The following NUB1 variants were observed in gnomAD, a reference collection of about 807,000 sequenced individuals.
The protein encoded by NUB1 is NEDD8 ultimate buster 1.
NUB1 carries 41 observed loss-of-function variants against 77.1 expected under a neutral mutation model. The observed-to-expected ratio is 0.53, with a 90% CI of 0.41 to 0.69. The LOEUF is 0.69. Ranked by LOEUF, NUB1 falls within the 30% of genes least tolerant of loss-of-function variation. The probability of loss-of-function intolerance (pLI) is 0.00; values close to 1 mark genes in which losing one functional copy is unlikely to be tolerated. For missense variants in NUB1, 643 were observed against 743.8 expected (o/e 0.86, Z 1.58); for synonymous variants, 257 against 281.0 (o/e 0.91, Z 0.85).
intron 11 of NUB1, among the ~76,000 whole-genome samples, chr7:151,372,973 T>A (rs1361727316): frequency 2.6e-5 from 4 of 152,114 alleles, no homozygotes; most frequent in Non-Finnish European, 4.4e-5. Context: ...TCCCTGGAGA[T>A]GTTTCCAGCA....
Position 151,355,894 on chromosome 7 carries a change from T to G in NUB1, c.542T>G (p.Leu181Arg). The G allele has an allele frequency of 1.2e-6, 2 of 1,613,572 alleles. No individual in the cohort carries two copies. Among genetic ancestry groups the G allele is most frequent in the East Asian group, 2.2e-5 (1 of 44,860 alleles). The change falls in exon 6 of 15, where the codon CTC (leucine) becomes CGC (arginine). Residue 181 changes from leucine to arginine, a missense_variant. Physicochemically the swap from Leu to Arg is moderately radical, Grantham distance 102. Transcript: ENST00000568733. ...GAAGAGGAGCAAAATGAGGCCAAAC[T>G]CAAAGAAAAACAAATTCAGAGGACC... is the stretch of plus-strand genomic sequence containing the variant. ...LEEEEQNEAK[L>R]KEKQIQRTKR...
At chr7:151,349,657 G>T (rs1796691923) in intron 3 of NUB1, among the ~76,000 whole-genome samples, 1 of 152,154 alleles carries the variant, frequency 6.6e-6, no homozygotes, top group Admixed American at 6.5e-5. Flanking sequence ...GATCTGGGTG[G>T]GGTCACCTCC....
rs372775125 is a variant in NUB1 at position 151,376,806 on chromosome 7, C to T, written c.1664C>T (p.Ser555Phe). 82 of 1,581,844 alleles carry T rather than the reference C, an allele frequency of 5.2e-5. No individual in the cohort carries two copies. Among genetic ancestry groups the T allele is most frequent in the Admixed American group, 9.2e-5 (5 of 54,348 alleles). ...LSPPATSPSD[S>F]AGTSSASTDE... ...CCGCCAGCCACGTCCCCTTCTGACTCCGCAGGTAGGTCTGAGGTCTTTGAG... is the reference window on the plus strand; with the variant it reads ...CCGCCAGCCACGTCCCCTTCTGACTTCGCAGGTAGGTCTGAGGTCTTTGAG... Residue 555 changes from serine (S) to phenylalanine (F), a missense_variant, in exon 14 of 15, where the codon TCC (serine) becomes TTC (phenylalanine). Ser to Phe is a radical substitution (Grantham distance 155). Coordinates refer to ENST00000568733, the MANE Select transcript of NUB1 (RefSeq NM_001243351.2).
At chr7:151,352,463 A>G (rs954305200) in intron 4 of NUB1, 3 of 281,866 alleles carry the variant, frequency 1.1e-5, no homozygotes, top group Non-Finnish European at 2.1e-5. Flanking sequence ...TATTTTTTAG[A>G]GACAGGATCT....
At chr7:151,364,940 CCAAAG>C (rs1390428127) in intron 8 of NUB1, among the ~76,000 whole-genome samples, 2 of 151,818 alleles carry the variant, frequency 1.3e-5, no homozygotes, top group Middle Eastern at 3.4e-3. Context: ...AAATTGTAAA[CCAAAG>C]CAATGTTAAT....
chr7:151,364,432 CA>C (rs113699534), intron 8 of NUB1, among the ~76,000 whole-genome samples: 120,945 of 146,686 alleles, frequency 0.82, 49,904 homozygotes, highest in East Asian at 0.99. Flanking sequence ...AAAACAAAAA[CA>C]AAAAAAAACA....
At chr7:151,376,517 A>G (rs933203730) in intron 13 of NUB1, 117 bp from the exon 14 acceptor site, 3 of 950,550 alleles carry the variant, frequency 3.2e-6, no homozygotes, top group African/African-American at 3.3e-5. Flanking sequence ...ACAAAGGGCC[A>G]TGGTGCACAC....
rs1236819209 is a variant in NUB1 at position 151,368,752 on chromosome 7, A to G, written c.1113A>G (p.Lys371=). The change falls in exon 11 of 15, where the codon AAA becomes AAG. Residue 371 remains lysine (K), a synonymous_variant. Coordinates refer to ENST00000568733, the MANE Select transcript of NUB1 (RefSeq NM_001243351.2). ...GTCTCTAGGCACGTCAGCTCTTTAA[A>G]GAGCTATATATTGATCCATCAAAAG... is the stretch of plus-strand genomic sequence containing the variant. The part of the protein sequence containing the change: ...EYLNKARQLF[K]ELYIDPSKVD... The G allele has an allele frequency of 1.2e-6, 2 of 1,608,478 alleles. No individual in the cohort carries two copies. The highest frequency in any genetic ancestry group is 2.2e-5 in the South Asian group (2 of 89,860).
intron 2 of NUB1, among the ~76,000 whole-genome samples, chr7:151,347,099 A>C (rs1224422674): frequency 6.6e-6 from 1 of 152,156 alleles, no homozygotes; most frequent in African/African-American, 2.4e-5. Flanking sequence ...AAATTATAGA[A>C]AGTTTTTAAA....
At position 151,355,862 on chromosome 7, in the gene NUB1, G is replaced by C; in HGVS notation, c.510G>C (p.Gln170His). 3.1e-6 allele frequency: 5 copies of C among 1,613,590 alleles called. No individual in the cohort carries two copies. The highest frequency in any genetic ancestry group is 4.2e-6 in the Non-Finnish European group (5 of 1,179,724). The change falls in exon 6 of 15, where the codon CAG becomes CAC. Residue 170 changes from glutamine to histidine, a missense_variant. Coordinates refer to ENST00000568733, the MANE Select transcript of NUB1 (RefSeq NM_001243351.2). ...AAGAGGACGCGAGGAAAAACTTCCA[G>C]TTAGAGGAAGAGGAGCAAAATGAGG... ...QSEEDARKNF[Q>H]LEEEEQNEAK...
At chr7:151,366,559 C>G (rs1380442967) in intron 8 of NUB1, among the ~76,000 whole-genome samples, 1 of 152,050 alleles carries the variant, frequency 6.6e-6, no homozygotes, top group East Asian at 1.9e-4. Flanking sequence ...TGCTCTGGCC[C>G]AGGTGATGCT....
At chr7:151,360,303 A>G (rs1266038980) in intron 8 of NUB1, 56 bp downstream of exon 8, 3 of 886,882 alleles carry the variant, frequency 3.4e-6, no homozygotes, top group South Asian at 2.8e-5. Flanking sequence ...CCCAGACTAT[A>G]CAGAACACCC....
At chr7:151,342,445 C>G (rs1328259197) in intron 1 of NUB1, among the ~76,000 whole-genome samples, 3 of 152,186 alleles carry the variant, frequency 2.0e-5, no homozygotes, top group Admixed American at 6.5e-5. Context: ...CGATTCATTA[C>G]AAAAGTGAAA....
At chr7:151,372,407 G>A (rs1043845057) in intron 11 of NUB1, among the ~76,000 whole-genome samples, 2 of 152,256 alleles carry the variant, frequency 1.3e-5, no homozygotes, top group Non-Finnish European at 2.9e-5. Context: ...TTGGTGTGAG[G>A]TCTGTGTTAG....
intron 3 of NUB1, among the ~76,000 whole-genome samples, chr7:151,349,628 T>C (rs543270916): frequency 6.6e-6 from 1 of 152,300 alleles, no homozygotes; most frequent in Non-Finnish European, 1.5e-5. Context: ...CGCTGAGTGC[T>C]CTCAAGCAGG....
chr7:151,355,035 C>T (rs1201371736), intron 5 of NUB1, among the ~76,000 whole-genome samples: 5 of 151,828 alleles, frequency 3.3e-5, no homozygotes, highest in African/African-American at 7.2e-5. Flanking sequence ...TGAACCACCA[C>T]GCCCTGCTGG....
intron 8 of NUB1, chr7:151,361,007 C>T (rs1254332110): frequency 9.1e-6 from 1 of 109,750 alleles, no homozygotes; most frequent in African/African-American, 3.2e-5. Flanking sequence ...TCTTGAACTC[C>T]TGGACTCATG....
In NUB1 at chr7:151,349,279, C is replaced by G. The variant is rs762465043; in HGVS notation, c.285+39C>G. ...CTAAATTTGAGTAGGCACTAATGTC[C>G]AGTTAGTGATGAGGTCAAATAAATT... On this transcript the variant is annotated intron_variant, in intron 3 of 14. Coordinates refer to ENST00000568733, the MANE Select transcript of NUB1 (RefSeq NM_001243351.2). 4 of 1,496,458 alleles carry G rather than the reference C, an allele frequency of 2.7e-6. No individual in the cohort carries two copies. In the South Asian group the frequency reaches 4.6e-5, roughly 17 times the overall value. 92.7% of individuals were successfully genotyped at this position (1,496,458 alleles called of 1,614,324 possible). A position where few individuals can be genotyped will look rare whatever the true frequency, so the allele number is the denominator to read the frequency against.
In NUB1 at chr7:151,360,219, T is replaced by C. The variant is rs774885961; in HGVS notation, c.772T>C (p.Cys258Arg). 2.5e-6 allele frequency: 4 copies of C among 1,608,356 alleles called. No individual in the cohort carries two copies. Among genetic ancestry groups the C allele is most frequent in the East Asian group, 2.2e-5 (1 of 44,864 alleles). Residue 258 changes from cysteine (C) to arginine (R), a missense_variant, in exon 8 of 15, where the codon TGT (cysteine) becomes CGT (arginine). Coordinates refer to ENST00000568733, the MANE Select transcript of NUB1 (RefSeq NM_001243351.2). ...KRKEYGIALP[C>R]LLDADKYFCE... ...AAAAGAATATGGAATAGCCTTGCCA[T>C]GTCTGTTGGACGCTGACAAATATTT...
Sources: gnomAD v4.1 joint callset for allele counts (sites outside exome capture counted in the v4.1 genomes callset) on GRCh38, gnomAD v4.1.1 for gene constraint, MANE v1.5 for transcripts, NCBI Gene and HGNC (gene_info 2026-07-23, HGNC 2026-07-21) for gene names.